Variants in PIEZO2 observed in about 807,000 individuals in gnomAD.
PIEZO2 encodes the protein piezo-type mechanosensitive ion channel component 2.
PIEZO2 carries 172 observed loss-of-function variants against 337.3 expected under a neutral mutation model. The ratio of observed to expected loss-of-function variants is 0.51; its 90% confidence interval spans 0.45 to 0.58. PIEZO2 has a LOEUF of 0.58. Ranked by LOEUF, PIEZO2 falls within the 20% of genes least tolerant of loss-of-function variation. The pLI, the probability that PIEZO2 is intolerant of heterozygous loss-of-function variation, is 0.00. For missense variants in PIEZO2, 3,028 were observed against 3,391.3 expected, an observed-to-expected ratio of 0.89 and a Z score of 2.66; for synonymous variants, 1,251 against 1,228.5, an observed-to-expected ratio of 1.02 and a Z score of -0.38.
intron 1 of PIEZO2, among the ~76,000 whole-genome samples, chr18:11,113,228 G>GT (rs2039787207): frequency 6.6e-6 from 1 of 152,212 alleles, no homozygotes; most frequent in Non-Finnish European, 1.5e-5. Context: ...TGTCTTCCCT[G>GT]TGTGACTTAG....
Position 10,718,270 on chromosome 18 carries a change from T to C in PIEZO2, c.5030-11A>G. On this transcript the variant is annotated splice_polypyrimidine_tract_variant and intron_variant, in intron 36 of 55. Coordinates refer to ENST00000674853, the MANE Select transcript of PIEZO2 (RefSeq NM_001378183.1). ...CCCATTCCACAGGACCTGCCAAGTG[T>C]GTTCAATAAAGATGAGTTAAATTCC... The C allele has an allele frequency of 1.3e-6, 2 of 1,535,162 alleles. No individual in the cohort carries two copies. The highest frequency in any genetic ancestry group is 1.7e-6 in the Non-Finnish European group (2 of 1,145,054).
intron 29 of PIEZO2, among the ~76,000 whole-genome samples, chr18:10,749,740 C>T (rs993917725): frequency 6.6e-6 from 1 of 152,160 alleles, no homozygotes; most frequent in Non-Finnish European, 1.5e-5. Context: ...CTTGATGCCC[C>T]AAGACATTAA....
intron 7 of PIEZO2, among the ~76,000 whole-genome samples, chr18:10,811,348 A>T (rs1166474758): frequency 6.6e-6 from 1 of 152,160 alleles, no homozygotes; most frequent in Non-Finnish European, 1.5e-5. Flanking sequence ...TTTTTATTCT[A>T]ACGCCTTCCA....
chr18:10,720,458 T>C (rs1289370244), intron 36 of PIEZO2, among the ~76,000 whole-genome samples: 2 of 71,366 alleles, frequency 2.8e-5, no homozygotes, highest in Non-Finnish European at 5.2e-5. Context: ...TATATATATA[T>C]ATATATATAT....
chr18:10,936,320 A>G (rs2032391055), intron 3 of PIEZO2, among the ~76,000 whole-genome samples: 1 of 152,186 alleles, frequency 6.6e-6, no homozygotes, highest in African/African-American at 2.4e-5. Flanking sequence ...TACAGCTCAT[A>G]AACCTTCATG....
intron 3 of PIEZO2, among the ~76,000 whole-genome samples, chr18:10,939,991 C>T (rs895042446): frequency 1.3e-5 from 2 of 151,880 alleles, no homozygotes; most frequent in African/African-American, 4.8e-5. Context: ...TGTGTTAGTT[C>T]ATTATTATGT....
intron 2 of PIEZO2, among the ~76,000 whole-genome samples, chr18:10,983,102 A>T (rs1035761848): frequency 1.3e-5 from 2 of 152,224 alleles, no homozygotes; most frequent in African/African-American, 4.8e-5. Flanking sequence ...TATATTGCTC[A>T]GAAACATACC....
Position 10,994,635 on chromosome 18 carries a change from C to T in PIEZO2, c.161-14975G>A, listed in dbSNP as rs1316027604. On this transcript the variant is annotated intron_variant, in intron 2 of 55. Transcript: ENST00000674853. ...ATGTTGGTCAGGCTGGTCTCAAACTCCTGACCTCGTGATCTACCCGCCTCA... is the reference window on the plus strand; with the variant it reads ...ATGTTGGTCAGGCTGGTCTCAAACTTCTGACCTCGTGATCTACCCGCCTCA... 2.7e-5 allele frequency among the ~76,000 whole-genome samples: 4 copies of T among 150,510 alleles called. No homozygotes were observed. In the East Asian group the frequency reaches 8.3e-4, roughly 31 times the overall value.
chr18:10,907,732 A>G lies in PIEZO2; in HGVS notation c.329+3454T>C, dbSNP rs185910674. ...ATGTACAAAGCCACGCCCACCTGGCATCACCCTATCCTAGACTAATAAATG... is the reference window on the plus strand; with the variant it reads ...ATGTACAAAGCCACGCCCACCTGGCGTCACCCTATCCTAGACTAATAAATG... On this transcript the variant is annotated intron_variant, in intron 4 of 55. Coordinates refer to ENST00000674853, the MANE Select transcript of PIEZO2 (RefSeq NM_001378183.1). Among the ~76,000 whole-genome samples, 314 of 152,328 alleles carry G rather than the reference A, an allele frequency of 2.1e-3. 2 individuals are homozygous for G. Among genetic ancestry groups the G allele is most frequent in the African/African-American group, 7.1e-3 (294 of 41,578 alleles).
intron 20 of PIEZO2, among the ~76,000 whole-genome samples, chr18:10,770,933 G>A (rs1216750351): frequency 6.6e-6 from 1 of 152,048 alleles, no homozygotes; most frequent in Non-Finnish European, 1.5e-5. Flanking sequence ...ATCTCGTCAT[G>A]TTGGCCAGGC....
At chr18:10,871,450 T>G (rs1219344973) in intron 4 of PIEZO2, 35 bp from the exon 5 acceptor site, 12 of 1,513,234 alleles carry the variant, frequency 7.9e-6, no homozygotes, top group Non-Finnish European at 1.1e-5. Flanking sequence ...GGAAAAAAAT[T>G]TAGTTCTTAT....
At chr18:10,675,540 C>G (rs149307571) in intron 53 of PIEZO2, among the ~76,000 whole-genome samples, 73 of 152,354 alleles carry the variant, frequency 4.8e-4, no homozygotes, top group African/African-American at 1.7e-3. Context: ...GGCTTACAAA[C>G]AGCCACAGGC....
intron 1 of PIEZO2, among the ~76,000 whole-genome samples, chr18:11,134,598 A>G (rs2146254321): frequency 6.6e-6 from 1 of 152,296 alleles, no homozygotes; most frequent in Admixed American, 6.5e-5. Context: ...CTCCCAGGAC[A>G]TTAGTGCCAA....
chr18:10,759,602 C>A lies in PIEZO2; in HGVS notation c.3656-19G>T. 6 of 1,535,650 alleles carry A rather than the reference C, an allele frequency of 3.9e-6. No homozygotes were observed. The highest frequency in any genetic ancestry group is 2.4e-5 in the South Asian group (2 of 83,994). ...GGGTAATCTGCAGGGAGGGAAGTGG[C>A]GAACAGCACAATCAATACTCTTCTT... On this transcript the variant is annotated intron_variant, in intron 25 of 55. Transcript: ENST00000674853. The surrounding 1 kb of genome is among the most constrained non-coding windows in gnomAD (Gnocchi z 5.5).
In PIEZO2 at chr18:10,980,007, A is replaced by G. The variant is rs1269381827; in HGVS notation, c.161-347T>C. On this transcript the variant is annotated intron_variant, in intron 2 of 55. Transcript: ENST00000674853. This position sits in a 1 kb window ranked among gnomAD's most constrained non-coding sequence, Gnocchi z 4.8. Reference sequence around the variant, plus strand: ...GGACAGATAACTCCTGTCTTAGAAAAATAATTCTAGGAAGTACAAAAGGAA... The same window carrying G: ...GGACAGATAACTCCTGTCTTAGAAAGATAATTCTAGGAAGTACAAAAGGAA... Among the ~76,000 whole-genome samples, 27 of 152,194 alleles carry G rather than the reference A, an allele frequency of 1.8e-4. 1 individual carries two copies. Among genetic ancestry groups the G allele is most frequent in the Admixed American group, 1.8e-3 (27 of 15,280 alleles).
rs2033765216 is a variant in PIEZO2 at position 10,671,371 on chromosome 18, C to A, written c.*156G>T. ...AACAGTGCCTTAACTTGCAAGGTAGCTTTTACTGCAGAAGGATATCAGCTC... is the reference window on the plus strand; with the variant it reads ...AACAGTGCCTTAACTTGCAAGGTAGATTTTACTGCAGAAGGATATCAGCTC... On this transcript the variant is annotated 3_prime_UTR_variant, in exon 56 of 56. Coordinates refer to ENST00000674853, the MANE Select transcript of PIEZO2 (RefSeq NM_001378183.1). 2 of 745,148 alleles carry A rather than the reference C, an allele frequency of 2.7e-6. No individual in the cohort carries two copies. The highest frequency in any genetic ancestry group is 2.0e-6 in the Non-Finnish European group (1 of 489,526). The allele number at this position is 745,148 out of a possible 1,614,324, so 46.2% of individuals were successfully genotyped here. A position where few individuals can be genotyped will look rare whatever the true frequency, so the allele number is the denominator to read the frequency against.
chr18:10,702,244 C>A (rs1165018258), intron 42 of PIEZO2, 73 bp from the exon 43 acceptor site: 1 of 1,368,294 alleles, frequency 7.3e-7, no homozygotes, highest in Non-Finnish European at 9.7e-7. Context: ...TGGGAAAGAG[C>A]AATATAACAA....
chr18:11,130,179 A>G (rs1159476262), intron 1 of PIEZO2, among the ~76,000 whole-genome samples: 5 of 152,116 alleles, frequency 3.3e-5, no homozygotes, highest in Admixed American at 3.3e-4. Flanking sequence ...TTCCAGTTCA[A>G]CTCTCCCATT....
rs539627695 is a variant in PIEZO2 at position 10,855,790 on chromosome 18, C to A, written c.704-224G>T. On this transcript the variant is annotated intron_variant, in intron 6 of 55. Transcript: ENST00000674853. The surrounding 1 kb of genome is among the most constrained non-coding windows in gnomAD (Gnocchi z 4.9). ...TGATAACTATAAATACAAAGATATA[C>A]CAGATGATTAAAAAAATTCCACCTG... Among the ~76,000 whole-genome samples the A allele has an allele frequency of 2.6e-5, 4 of 152,072 alleles. No individual in the cohort carries two copies. In the South Asian group the frequency reaches 8.3e-4, roughly 32 times the overall value.
Sources: allele counts gnomAD v4.1 joint callset (sites outside exome capture counted in the v4.1 genomes callset), GRCh38; gene constraint gnomAD v4.1.1; non-coding constraint Gnocchi (gnomAD v3.1); transcripts MANE v1.5; gene names NCBI Gene and HGNC (gene_info 2026-07-23, HGNC 2026-07-21).